Variants in ACVR1C observed in about 807,000 individuals in gnomAD.
The protein encoded by ACVR1C is activin receptor type-1C.
ACVR1C carries 23 observed loss-of-function variants against 57.9 expected under a neutral mutation model. That is an observed-to-expected ratio of 0.40 (90% CI 0.29 to 0.56). The LOEUF (loss-of-function observed/expected upper bound fraction) is 0.56. ACVR1C is among the 20% of genes least tolerant of loss of function. ACVR1C has a pLI of 0.50. For synonymous variants in ACVR1C, 214 were observed against 215.3 expected, an observed-to-expected ratio of 0.99 and a Z score of 0.05; for missense variants, 480 against 607.9, an observed-to-expected ratio of 0.79 and a Z score of 2.21.
chr2:157,578,221 G>C (rs897728531), intron 2 of ACVR1C, among the ~76,000 whole-genome samples: 22 of 152,174 alleles, frequency 1.4e-4, no homozygotes, highest in African/African-American at 5.3e-4. Flanking sequence ...ACATTTTTTG[G>C]ATTTGTTTTT....
chr2:157,544,199 C>T (rs1031642052), intron 5 of ACVR1C, among the ~76,000 whole-genome samples: 20 of 147,962 alleles, frequency 1.4e-4, no homozygotes, highest in Admixed American at 1.3e-3. Context: ...CCACCACAAC[C>T]AGATTTTTTT....
chr2:157,549,082 G>A (rs912743955), intron 4 of ACVR1C, among the ~76,000 whole-genome samples: 9 of 152,136 alleles, frequency 5.9e-5, no homozygotes, highest in South Asian at 2.1e-4. Flanking sequence ...TGGGCCAGGC[G>A]GGGTGGCTCA....
chr2:157,595,813 G>A (rs1485675961), intron 1 of ACVR1C, among the ~76,000 whole-genome samples: 2 of 152,080 alleles, frequency 1.3e-5, no homozygotes, highest in African/African-American at 2.4e-5. Flanking sequence ...TGCTCTTCTT[G>A]TTCCCTTTGC....
At chr2:157,542,922 T>C in intron 5 of ACVR1C, 60 bp from the exon 6 acceptor site, 1 of 1,531,194 alleles carries the variant, frequency 6.5e-7, no homozygotes, top group Non-Finnish European at 8.9e-7. Flanking sequence ...TCAAGAGAAA[T>C]CATCCTGAAG....
intron 8 of ACVR1C, among the ~76,000 whole-genome samples, chr2:157,537,487 A>G (rs1306265134): frequency 2.6e-5 from 4 of 151,986 alleles, no homozygotes; most frequent in African/African-American, 7.2e-5. Context: ...CACAAAATAT[A>G]AAAATAACAA....
intron 1 of ACVR1C, among the ~76,000 whole-genome samples, chr2:157,588,526 T>C (rs1688980595): frequency 6.6e-6 from 1 of 151,832 alleles, no homozygotes; most frequent in Non-Finnish European, 1.5e-5. Flanking sequence ...GCTTTCAGTG[T>C]ACCCATCACC....
At chr2:157,577,150 C>T (rs367936889) in intron 2 of ACVR1C, among the ~76,000 whole-genome samples, 2 of 43,336 alleles carry the variant, frequency 4.6e-5, no homozygotes, top group Non-Finnish European at 5.3e-5. Context: ...CCACCGCGCC[C>T]GGCCTGAAAT....
intron 1 of ACVR1C, among the ~76,000 whole-genome samples, chr2:157,589,059 T>C (rs1689000527): frequency 6.6e-6 from 1 of 151,590 alleles, no homozygotes; most frequent in Non-Finnish European, 1.5e-5. Context: ...AATTGTGGGA[T>C]TGCTGGATCA....
chr2:157,566,007 G>T (rs1442035727), intron 2 of ACVR1C, among the ~76,000 whole-genome samples: 2 of 152,162 alleles, frequency 1.3e-5, no homozygotes, highest in Non-Finnish European at 2.9e-5. Context: ...TAAAATGTAA[G>T]CAGAATATAA....
chr2:157,565,947 G>T (rs531651670), intron 2 of ACVR1C, among the ~76,000 whole-genome samples: 22 of 152,070 alleles, frequency 1.4e-4, no homozygotes, highest in Admixed American at 2.6e-4. Context: ...GAATATAATC[G>T]CTGTCATAAA....
chr2:157,555,193 A>C (rs995664650), intron 3 of ACVR1C, among the ~76,000 whole-genome samples: 6 of 134,016 alleles, frequency 4.5e-5, no homozygotes, highest in East Asian at 2.1e-4. Flanking sequence ...ATCTCGGCTC[A>C]CTGCAAGCTC....
At chr2:157,551,994 C>G (rs962794774) in intron 3 of ACVR1C, among the ~76,000 whole-genome samples, 2 of 152,206 alleles carry the variant, frequency 1.3e-5, no homozygotes, top group Non-Finnish European at 2.9e-5. Flanking sequence ...AAAACTGAGG[C>G]CCCTCGATAA....
chr2:157,581,221 TA>T (rs1265580246), intron 2 of ACVR1C, among the ~76,000 whole-genome samples: 1 of 151,086 alleles, frequency 6.6e-6, no homozygotes, highest in South Asian at 2.1e-4. Flanking sequence ...AATAAATCAT[TA>T]AAAAACACAA....
chr2:157,559,043 T>C (rs1688174179), intron 2 of ACVR1C, among the ~76,000 whole-genome samples: 1 of 152,224 alleles, frequency 6.6e-6, no homozygotes, highest in Non-Finnish European at 1.5e-5. Flanking sequence ...AATATAAACA[T>C]TAGCATTAAC....
chr2:157,562,719 T>C (rs959729625), intron 2 of ACVR1C, among the ~76,000 whole-genome samples: 3 of 152,044 alleles, frequency 2.0e-5, no homozygotes, highest in Non-Finnish European at 4.4e-5. Flanking sequence ...GCAAAAATCC[T>C]CAATAAAATA....
chr2:157,598,345 A>T (rs562428918), intron 1 of ACVR1C, among the ~76,000 whole-genome samples: 39 of 151,904 alleles, frequency 2.6e-4, no homozygotes, highest in African/African-American at 9.4e-4. Context: ...TAATTAAAAT[A>T]TTTATTAAAA....
At chr2:157,558,517 T>A (rs1177645431) in intron 2 of ACVR1C, among the ~76,000 whole-genome samples, 1 of 152,252 alleles carries the variant, frequency 6.6e-6, no homozygotes, top group Non-Finnish European at 1.5e-5. Context: ...CCAAAGATAG[T>A]AGTTTATCTA....
At chr2:157,539,622 G>A (rs560755130) in intron 7 of ACVR1C, among the ~76,000 whole-genome samples, 82 of 152,222 alleles carry the variant, frequency 5.4e-4, no homozygotes, top group African/African-American at 1.4e-3. Context: ...GCTATCTGCC[G>A]TGCATTGCCT....
intron 1 of ACVR1C, among the ~76,000 whole-genome samples, chr2:157,599,263 G>T (rs756012486): frequency 1.4e-5 from 2 of 144,484 alleles, no homozygotes; most frequent in African/African-American, 2.6e-5. Flanking sequence ...GAACCCGAGA[G>T]GGGGAGCTCG....
Sources: gnomAD v4.1 joint callset for allele counts (sites outside exome capture counted in the v4.1 genomes callset) on GRCh38, gnomAD v4.1.1 for gene constraint, MANE v1.5 for transcripts, NCBI Gene and HGNC (gene_info 2026-07-23, HGNC 2026-07-21) for gene names.